Variants in ZFYVE28 observed in about 807,000 individuals in gnomAD.
The protein encoded by ZFYVE28 is lateral signaling target protein 2 homolog.
In ZFYVE28, 40 loss-of-function variants were observed where a neutral mutation model predicts 82.1. That is an observed-to-expected ratio of 0.49 (90% confidence interval 0.38 to 0.63). The LOEUF (loss-of-function observed/expected upper bound fraction) is 0.63, where lower values mean the gene tolerates loss of function less well. Ranked by LOEUF, ZFYVE28 falls within the 30% of genes least tolerant of loss-of-function variation. ZFYVE28 has a pLI of 0.00. For synonymous variants in ZFYVE28, 612 were observed against 546.1 expected, an observed-to-expected ratio of 1.12 and a Z score of -1.68; for missense variants, 1,321 against 1,242.1, an observed-to-expected ratio of 1.06 and a Z score of -0.96.
At chr4:2,396,033 G>A (rs1255368242) in intron 1 of ZFYVE28, among the ~76,000 whole-genome samples, 2 of 152,058 alleles carry the variant, frequency 1.3e-5, no homozygotes, top group African/African-American at 4.8e-5. Flanking sequence ...CAGGATTTAA[G>A]GGGAGCTGAT....
intron 1 of ZFYVE28, among the ~76,000 whole-genome samples, chr4:2,382,268 A>G (rs1015330922): frequency 1.3e-4 from 20 of 152,236 alleles, no homozygotes; most frequent in African/African-American, 4.8e-4. Context: ...TGGAGCTGTG[A>G]GAAGAGGGCC....
chr4:2,320,295 G>A lies in ZFYVE28; in HGVS notation c.702-24C>T, dbSNP rs1718888887. 5.6e-6 allele frequency: 9 copies of A among 1,608,054 alleles called. No homozygotes were observed. The highest frequency in any genetic ancestry group is 6.8e-6 in the Non-Finnish European group (8 of 1,176,256). ...CACTGCATTTGAGACACAAAAGCCA[G>A]GATGTCAGGCCCTGTGGCCCCCTGG... On this transcript the variant is annotated intron_variant, in intron 6 of 12. Transcript: ENST00000290974. This position sits in a 1 kb window ranked among gnomAD's most constrained non-coding sequence, Gnocchi z 5.1.
chr4:2,413,590 G>A (rs1030722032), intron 1 of ZFYVE28, among the ~76,000 whole-genome samples: 4 of 152,216 alleles, frequency 2.6e-5, no homozygotes, highest in African/African-American at 9.6e-5. Flanking sequence ...CGGAACACTG[G>A]CTTTCCAGCA....
chr4:2,353,924 G>A lies in ZFYVE28; in HGVS notation c.180+9C>T, dbSNP rs199959388. On this transcript the variant is annotated intron_variant, in intron 2 of 12. Coordinates refer to ENST00000290974, the MANE Select transcript of ZFYVE28 (RefSeq NM_020972.3). ...GGGGCCAGCCAGCTTCTGCTGCCCC[G>A]TGGCTCACCTGACAGGAGCGGAACT... is the stretch of plus-strand genomic sequence containing the variant. 73 of 1,505,330 alleles carry A rather than the reference G, an allele frequency of 4.8e-5. No individual in the cohort carries two copies. In the Admixed American group the frequency reaches 1.3e-3, roughly 27 times the overall value. 93.2% of individuals were successfully genotyped at this position (1,505,330 alleles called of 1,614,324 possible). A position where few individuals can be genotyped will look rare whatever the true frequency, so the allele number is the denominator to read the frequency against.
rs1721490524 is a variant in ZFYVE28, at chr4:2,335,233, T to A, written c.701+472A>T. Among the ~76,000 whole-genome samples the A allele has an allele frequency of 6.6e-6, 1 of 151,934 alleles. No individual in the cohort carries two copies. The highest frequency in any genetic ancestry group is 2.1e-4 in the South Asian group (1 of 4,806). On this transcript the variant is annotated intron_variant, in intron 6 of 12. Coordinates refer to ENST00000290974, the MANE Select transcript of ZFYVE28 (RefSeq NM_020972.3). The surrounding 1 kb of genome is among the most constrained non-coding windows in gnomAD (Gnocchi z 5.8). ...CCCCCACCTGCCCTTCAACCCAATGTGCTTCACCTCCCTGCCAGCCCCCAA... is the reference window on the plus strand; with the variant it reads ...CCCCCACCTGCCCTTCAACCCAATGAGCTTCACCTCCCTGCCAGCCCCCAA...
intron 8 of ZFYVE28, among the ~76,000 whole-genome samples, chr4:2,290,965 C>G (rs114919643): frequency 6.6e-6 from 1 of 152,156 alleles, no homozygotes; most frequent in East Asian, 1.9e-4. Flanking sequence ...TGTTTTTCTT[C>G]GTAATTACAT....
intron 1 of ZFYVE28, among the ~76,000 whole-genome samples, chr4:2,397,629 G>A (rs111562862): frequency 6.6e-6 from 1 of 152,016 alleles, no homozygotes; most frequent in East Asian, 1.9e-4. Flanking sequence ...CCATATCTAT[G>A]AACATCATGC....
intron 1 of ZFYVE28, among the ~76,000 whole-genome samples, chr4:2,363,232 T>C (rs1726404479): frequency 6.6e-6 from 1 of 152,168 alleles, no homozygotes; most frequent in Admixed American, 6.5e-5. Flanking sequence ...ATAGCTCAGA[T>C]AATCCCTGCA....
At position 2,320,313 on chromosome 4, in the gene ZFYVE28, C is replaced by A. The variant is rs1481536543; in HGVS notation, c.702-42G>T. 6.6e-7 allele frequency: 1 copy of A among 1,518,488 alleles called. No homozygotes were observed. Among genetic ancestry groups the A allele is most frequent in the Middle Eastern group, 1.7e-4 (1 of 5,800 alleles). 94.1% of individuals were successfully genotyped at this position (1,518,488 alleles called of 1,614,324 possible). ...AAAGCCAGGATGTCAGGCCCTGTGG[C>A]CCCCTGGGTGCCGCGGACGGCCCAA... On this transcript the variant is annotated intron_variant, in intron 6 of 12. Coordinates refer to ENST00000290974, the MANE Select transcript of ZFYVE28 (RefSeq NM_020972.3). The surrounding 1 kb of genome is among the most constrained non-coding windows in gnomAD (Gnocchi z 5.1).
Position 2,274,222 on chromosome 4 carries a change from T to C in ZFYVE28, c.2052-6A>G. On this transcript the variant is annotated splice_polypyrimidine_tract_variant and splice_region_variant and intron_variant, in intron 8 of 12. Coordinates refer to ENST00000290974, the MANE Select transcript of ZFYVE28 (RefSeq NM_020972.3). ...AGGACCCAGCTGTGGAGCTGCTGCA[T>C]GGAGAAGGAGATACCGGTGTGTGGG... 5 of 1,612,310 alleles carry C rather than the reference T, an allele frequency of 3.1e-6. No homozygotes were observed. The highest frequency in any genetic ancestry group is 4.2e-6 in the Non-Finnish European group (5 of 1,179,010).
intron 8 of ZFYVE28, among the ~76,000 whole-genome samples, chr4:2,303,102 CACCGGGA>C (rs1363589561): frequency 1.3e-5 from 2 of 152,150 alleles, no homozygotes; most frequent in Non-Finnish European, 2.9e-5. Flanking sequence ...TGGGGAGGGA[CACCGGGA>C]ACCAGGCCCA....
At chr4:2,308,675 A>AAGAAAGAAAGAAAGAAAGAGAGAGAGAG (rs1200372952) in intron 7 of ZFYVE28, among the ~76,000 whole-genome samples, 1 of 93,146 alleles carries the variant, frequency 1.1e-5, no homozygotes, top group African/African-American at 4.2e-5. Flanking sequence ...GAAAGAAAGA[A>AAGAAAGAAAGAAAGAAAGAGAGAGAGAG]AGAGAAAGAA....
chr4:2,360,513 A>G (rs1300504982), intron 1 of ZFYVE28, among the ~76,000 whole-genome samples: 1 of 151,988 alleles, frequency 6.6e-6, no homozygotes, highest in Non-Finnish European at 1.5e-5. Flanking sequence ...CAGGACCAGT[A>G]TTTCAGAGGA....
In ZFYVE28 at chr4:2,304,289, C is replaced by G; in HGVS notation, c.2051G>C (p.Ser684Thr). The G allele has an allele frequency of 6.4e-7, 1 of 1,567,226 alleles. No homozygotes were observed. The highest frequency in any genetic ancestry group is 8.6e-7 in the Non-Finnish European group (1 of 1,164,648). ...GTCTCTGGGCCAGACTGGCTCTTAC[C>G]TGGAGCCCGACAGGGCCTGAGGCGC... ...HEAPQALSGS[S>T]SSTAGSCSSD... is the part of the protein sequence containing the mutation. The change falls in exon 8 of 13, where the codon AGC (serine) becomes ACC (threonine). Residue 684 changes from serine (S) to threonine (T), a missense_variant and splice_region_variant. Ser to Thr is a moderately conservative substitution (Grantham distance 58). Around this residue, in one of 2 missense-constraint regions of ZFYVE28, gnomAD observed 978 missense variants for 833.7 expected, o/e 1.17. Transcript: ENST00000290974.
chr4:2,279,400 T>C (rs967344667), intron 8 of ZFYVE28, among the ~76,000 whole-genome samples: 18 of 149,532 alleles, frequency 1.2e-4, no homozygotes, highest in Admixed American at 8.6e-4. Flanking sequence ...CATTGCACTC[T>C]AGCCTGAAGA....
chr4:2,363,806 G>A (rs1307789229), intron 1 of ZFYVE28, among the ~76,000 whole-genome samples: 3 of 152,142 alleles, frequency 2.0e-5, no homozygotes, highest in Non-Finnish European at 1.5e-5. Context: ...TAGCGAATCT[G>A]CTTTGAAGTC....
Position 2,270,418 on chromosome 4 carries a change from A to G in ZFYVE28, c.*307T>C, listed in dbSNP as rs1735806439. 2.3e-6 allele frequency: 1 copy of G among 426,816 alleles called. No individual in the cohort carries two copies. The highest frequency in any genetic ancestry group is 2.0e-5 in the African/African-American group (1 of 49,530). The allele number at this position is 426,816 out of a possible 1,614,324, so 26.4% of individuals were successfully genotyped here. ...GCCCCGATTCCCATAGCCCCAGCAG[A>G]TCTCCGAGGGACCAGTGGGAGGGCC... On this transcript the variant is annotated 3_prime_UTR_variant, in exon 13 of 13. Transcript: ENST00000290974.
rs188215402 is a variant in ZFYVE28, at chr4:2,328,718, C to G, written c.701+6987G>C. On this transcript the variant is annotated intron_variant, in intron 6 of 12. Coordinates refer to ENST00000290974, the MANE Select transcript of ZFYVE28 (RefSeq NM_020972.3). ...AAAAAAATACCTTCACAGCAACATT[C>G]AGACTGGTATTTTACCAAATATCTG... 2.4e-3 allele frequency: 413 copies of G among 173,284 alleles called. 5 individuals are homozygous for G. The highest frequency in any genetic ancestry group is 9.3e-3 in the African/African-American group (393 of 42,326). 10.7% of individuals were successfully genotyped at this position (173,284 alleles called of 1,614,324 possible). A position where few individuals can be genotyped will look rare whatever the true frequency, so the allele number is the denominator to read the frequency against.
At chr4:2,327,858 G>C (rs1720112529) in intron 6 of ZFYVE28, among the ~76,000 whole-genome samples, 1 of 152,164 alleles carries the variant, frequency 6.6e-6, no homozygotes, top group African/African-American at 2.4e-5. Context: ...GCCACAGTGA[G>C]ATATCATTTC....
Sources: allele counts gnomAD v4.1 joint callset (sites outside exome capture counted in the v4.1 genomes callset), GRCh38; gene constraint gnomAD v4.1.1; regional missense constraint gnomAD v4.1.1; non-coding constraint Gnocchi (gnomAD v3.1); transcripts MANE v1.5; gene names NCBI Gene and HGNC (gene_info 2026-07-23, HGNC 2026-07-21).